Variants in NOL10 observed in about 807,000 individuals in gnomAD.
The protein encoded by NOL10 is H_NH0074G24.1.
NOL10 carries 58 observed loss-of-function variants against 103.5 expected under a neutral mutation model. The observed-to-expected ratio is 0.56, with a 90% confidence interval of 0.45 to 0.70. The LOEUF (loss-of-function observed/expected upper bound fraction) is 0.70. Among genes scored for constraint, NOL10 ranks in the 30% least tolerant of loss-of-function variants. The pLI is 0.00. For missense variants in NOL10, 763 were observed against 807.3 expected (o/e 0.95, Z 0.67); for synonymous variants, 287 against 282.5 (o/e 1.02, Z -0.16).
intron 14 of NOL10, among the ~76,000 whole-genome samples, chr2:10,603,596 C>T (rs1176562127): frequency 1.3e-5 from 2 of 152,128 alleles, no homozygotes; most frequent in East Asian, 1.9e-4. Flanking sequence ...TAGAAAGAAC[C>T]GTCTTCCAAG....
rs750546503 is a variant in NOL10 at position 10,644,360 on chromosome 2, G to A, written c.986C>T (p.Thr329Met). The A allele has an allele frequency of 1.7e-5, 26 of 1,537,452 alleles. No homozygotes were observed. Among genetic ancestry groups the A allele is most frequent in the South Asian group, 9.9e-5 (8 of 81,154 alleles). ...CLYPNSGMLL[T>M]ANETPKMGIY... ...GCCCATCTTGGGGGTTTCATTGGCC[G>A]TCAGAAGCATGCCTAAAAATAAATA... is the stretch of plus-strand genomic sequence containing the variant. The change falls in exon 13 of 21, where the codon ACG becomes ATG. Residue 329 changes from threonine (T) to methionine (M), a missense_variant. Physicochemically the swap from Thr to Met is moderately conservative, Grantham distance 81. Coordinates refer to ENST00000381685, the MANE Select transcript of NOL10 (RefSeq NM_024894.4).
intron 13 of NOL10, among the ~76,000 whole-genome samples, chr2:10,637,200 A>AAAAC: frequency 1.3e-5 from 2 of 150,450 alleles, no homozygotes; most frequent in South Asian, 4.2e-4. Flanking sequence ...AAAAAAAAAA[A>AAAAC]AAAAAAAAAA....
chr2:10,593,921 C>A (rs1288526693), intron 17 of NOL10, among the ~76,000 whole-genome samples: 1 of 152,228 alleles, frequency 6.6e-6, no homozygotes, highest in East Asian at 1.9e-4. Flanking sequence ...ACCTAAGAGA[C>A]AATGACATGT....
In NOL10 at chr2:10,689,811, G is replaced by C. The variant is rs764059079; in HGVS notation, c.51C>G (p.Gly17=). The change falls in exon 1 of 21, where the codon GGC becomes GGG. Residue 17 remains glycine, a synonymous_variant. Transcript: ENST00000381685. ...AGTGACTCACCTCAGGAAGGGACTT[G>C]CCGCAGCTGAGGCTGTAAATCTTCA... is the stretch of plus-strand genomic sequence containing the variant. ...NEVKIYSLSC[G]KSLPEWLSDR... 2 of 1,606,062 alleles carry C rather than the reference G, an allele frequency of 1.2e-6. No homozygotes were observed. The highest frequency in any genetic ancestry group is 4.5e-5 in the East Asian group (2 of 44,570).
At position 10,689,962 on chromosome 2, in the gene NOL10, C is replaced by A. The variant is rs969297868; in HGVS notation, c.-101G>T. The stretch of plus-strand genomic sequence containing the variant: ...GAGCCCCTGCTCCGCGGCGTGCGGC[C>A]GCTGGCGCCGACTGATGACGCACTT... On this transcript the variant is annotated 5_prime_UTR_variant, in exon 1 of 21. Coordinates refer to ENST00000381685, the MANE Select transcript of NOL10 (RefSeq NM_024894.4). The A allele has an allele frequency of 2.7e-6, 3 of 1,100,740 alleles. No individual in the cohort carries two copies. The highest frequency in any genetic ancestry group is 4.0e-6 in the Non-Finnish European group (3 of 758,838). The allele number at this position is 1,100,740 out of a possible 1,614,324, so 68.2% of individuals were successfully genotyped here.
intron 2 of NOL10, among the ~76,000 whole-genome samples, chr2:10,683,117 A>T (rs1681899822): frequency 6.6e-6 from 1 of 152,152 alleles, no homozygotes; most frequent in Admixed American, 6.6e-5. Context: ...ACTGCTACGA[A>T]GCTGACTTAT....
intron 5 of NOL10, 163 bp downstream of exon 5, chr2:10,673,357 G>A (rs1479284122): frequency 2.2e-6 from 1 of 445,458 alleles, no homozygotes; most frequent in African/African-American, 2.0e-5. Context: ...AATAAAAAAT[G>A]ATGGGTTACA....
intron 9 of NOL10, among the ~76,000 whole-genome samples, chr2:10,659,761 G>A (rs1019520382): frequency 3.3e-5 from 5 of 151,968 alleles, no homozygotes; most frequent in African/African-American, 4.8e-5. Flanking sequence ...TATACAAAAC[G>A]TAATCTACTT....
At chr2:10,584,619 G>A (rs926297446) in intron 19 of NOL10, among the ~76,000 whole-genome samples, 1 of 152,160 alleles carries the variant, frequency 6.6e-6, no homozygotes, top group Non-Finnish European at 1.5e-5. Flanking sequence ...AACATACAGA[G>A]TCACTTTAGT....
At chr2:10,578,552 C>T (rs1019430860) in intron 19 of NOL10, among the ~76,000 whole-genome samples, 2 of 152,134 alleles carry the variant, frequency 1.3e-5, no homozygotes, top group African/African-American at 4.8e-5. Flanking sequence ...GTCTGCTGTG[C>T]CCTGCATTTC....
intron 6 of NOL10, among the ~76,000 whole-genome samples, chr2:10,669,452 TA>T (rs1361010591): frequency 3.5e-5 from 5 of 142,852 alleles, no homozygotes; most frequent in African/African-American, 1.3e-4. Flanking sequence ...TATATATATA[TA>T]TATTTTTATT....
intron 19 of NOL10, among the ~76,000 whole-genome samples, chr2:10,578,261 T>G (rs1226990287): frequency 6.6e-6 from 1 of 152,218 alleles, no homozygotes; most frequent in Non-Finnish European, 1.5e-5. Flanking sequence ...TCACTCAGTC[T>G]TAACTCCGTA....
chr2:10,639,938 GAGATATCT>G (rs1678584820), intron 13 of NOL10, among the ~76,000 whole-genome samples: 1 of 152,186 alleles, frequency 6.6e-6, no homozygotes, highest in South Asian at 2.1e-4. Context: ...GCTGGCTACA[GAGATATCT>G]AAGTGCCAGA....
intron 13 of NOL10, among the ~76,000 whole-genome samples, chr2:10,633,703 T>C (rs1428776203): frequency 6.6e-6 from 1 of 152,078 alleles, no homozygotes; most frequent in Admixed American, 6.5e-5. Flanking sequence ...TATGTAAGAC[T>C]TTTCAAGTTG....
chr2:10,651,754 C>T (rs10187650), intron 12 of NOL10, among the ~76,000 whole-genome samples: 2 of 152,142 alleles, frequency 1.3e-5, no homozygotes, highest in African/African-American at 2.4e-5. Flanking sequence ...CCTACTTAAC[C>T]GAGACCCTGG....
intron 17 of NOL10, among the ~76,000 whole-genome samples, chr2:10,599,525 C>T (rs13034061): frequency 0.59 from 90,018 of 152,044 alleles, 27,657 homozygotes; most frequent in African/African-American, 0.74. Flanking sequence ...GGTGCAGAGC[C>T]ATTACACACA....
intron 12 of NOL10, among the ~76,000 whole-genome samples, chr2:10,651,514 T>C (rs2148298002): frequency 6.6e-6 from 1 of 152,332 alleles, no homozygotes; most frequent in East Asian, 1.9e-4. Context: ...TTATTAATGA[T>C]CTATTTTACA....
intron 13 of NOL10, among the ~76,000 whole-genome samples, chr2:10,617,092 TGACA>T (rs755684717): frequency 4.6e-5 from 7 of 152,040 alleles, no homozygotes; most frequent in Non-Finnish European, 7.4e-5. Context: ...GTGGAGAGTA[TGACA>T]GACAGAGACT....
At chr2:10,668,479 A>C (rs754741792) in intron 7 of NOL10, among the ~76,000 whole-genome samples, 179 bp downstream of exon 7, 1 of 152,376 alleles carries the variant, frequency 6.6e-6, no homozygotes, top group African/African-American at 2.4e-5. Flanking sequence ...TAATTTTTAA[A>C]GTAATCACCA....
Sources: gnomAD v4.1 joint callset for allele counts (sites outside exome capture counted in the v4.1 genomes callset) on GRCh38, gnomAD v4.1.1 for gene constraint, MANE v1.5 for transcripts, NCBI Gene and HGNC (gene_info 2026-07-23, HGNC 2026-07-21) for gene names.